KLF13: variants seen among roughly 807,000 people sequenced by gnomAD.
KLF13 encodes the protein Krueppel-like factor 13.
In KLF13, 8 loss-of-function variants were observed where a neutral mutation model predicts 16.7. The ratio of observed to expected loss-of-function variants is 0.48; its 90% CI spans 0.28 to 0.87. The LOEUF (loss-of-function observed/expected upper bound fraction) is 0.87, where lower values mean the gene tolerates loss of function less well. Among genes scored for constraint, KLF13 ranks in the 40% least tolerant of loss-of-function variants. The pLI is 0.10. For synonymous variants in KLF13, 245 were observed against 208.4 expected, an observed-to-expected ratio of 1.18 and a Z score of -1.51; for missense variants, 447 against 452.2, an observed-to-expected ratio of 0.99 and a Z score of 0.10.
At chr15:31,433,547 C>T (rs952456858) in intron 1 of KLF13, among the ~76,000 whole-genome samples, 3 of 152,260 alleles carry the variant, frequency 2.0e-5, no homozygotes, top group African/African-American at 2.4e-5. Flanking sequence ...CCTGTACATG[C>T]GATCAGGGCA....
intron 1 of KLF13, among the ~76,000 whole-genome samples, chr15:31,356,509 G>A (rs540241724): frequency 2.4e-4 from 37 of 152,352 alleles, no homozygotes; most frequent in East Asian, 2.1e-3. Flanking sequence ...CCAAGATCGC[G>A]CCACTGCACT....
chr15:31,342,917 T>A (rs566427705), intron 1 of KLF13, among the ~76,000 whole-genome samples: 2 of 152,228 alleles, frequency 1.3e-5, no homozygotes, highest in African/African-American at 4.8e-5. Context: ...ACATTTGGAG[T>A]GACTAAGGAG....
chr15:31,391,829 G>T (rs1413938015), upstream of KLF13, among the ~76,000 whole-genome samples: 1 of 152,154 alleles, frequency 6.6e-6, no homozygotes, highest in Non-Finnish European at 1.5e-5. Flanking sequence ...CCGGCGGGAG[G>T]CGCTTCCCGG....
rs905807035 is a variant in KLF13 at position 31,326,994 on chromosome 15, C to G, written c.-219C>G. ...GGGGACCCCAGTCGCCCGCGCGCCC[C>G]ATGCGCTCACTCTTCGGTGCCCGGC... is the stretch of plus-strand genomic sequence containing the variant. On this transcript the variant is annotated 5_prime_UTR_variant, in exon 1 of 2. Coordinates refer to ENST00000307145, the MANE Select transcript of KLF13 (RefSeq NM_015995.4). 1 of 199,086 alleles carries G rather than the reference C, an allele frequency of 5.0e-6. No individual in the cohort carries two copies. The highest frequency in any genetic ancestry group is 9.3e-6 in the Non-Finnish European group (1 of 107,146). The allele number at this position is 199,086 out of a possible 1,614,324, so 12.3% of individuals were successfully genotyped here.
At chr15:31,356,584 T>G (rs1398206746) in intron 1 of KLF13, among the ~76,000 whole-genome samples, 4 of 152,210 alleles carry the variant, frequency 2.6e-5, no homozygotes, top group Non-Finnish European at 5.9e-5. Flanking sequence ...GTGTTTGGTT[T>G]TCTGTTCCTG....
chr15:31,365,234 C>T (rs867272835), intron 1 of KLF13, among the ~76,000 whole-genome samples: 5 of 152,152 alleles, frequency 3.3e-5, no homozygotes, highest in Non-Finnish European at 2.9e-5. Flanking sequence ...CCCTGTGCCT[C>T]CCTTTGAGTC....
intron 1 of KLF13, among the ~76,000 whole-genome samples, chr15:31,328,565 C>G (rs1259318582): frequency 2.6e-5 from 4 of 151,922 alleles, no homozygotes; most frequent in Non-Finnish European, 5.9e-5. Context: ...CCGTGCTGCC[C>G]TCTCGCCTGC....
At chr15:31,384,750 T>G (rs935391730) in intron 1 of KLF13, among the ~76,000 whole-genome samples, 1 of 152,146 alleles carries the variant, frequency 6.6e-6, no homozygotes, top group African/African-American at 2.4e-5. Flanking sequence ...TGTCCACACG[T>G]TGGTGCAAAG....
chr15:31,421,891 A>G (rs921764973), intron 1 of KLF13, among the ~76,000 whole-genome samples: 2 of 152,166 alleles, frequency 1.3e-5, no homozygotes, highest in Admixed American at 1.3e-4. Flanking sequence ...GGACGGGCAG[A>G]TCACCTGAGG....
intron 1 of KLF13, among the ~76,000 whole-genome samples, chr15:31,361,417 G>A (rs2039382478): frequency 6.6e-6 from 1 of 152,208 alleles, no homozygotes; most frequent in South Asian, 2.1e-4. Context: ...CGGGTTGGTA[G>A]AGTCAGATGA....
intron 1 of KLF13, among the ~76,000 whole-genome samples, chr15:31,421,654 T>C (rs2040325541): frequency 6.7e-6 from 1 of 150,188 alleles, no homozygotes; most frequent in Non-Finnish European, 1.5e-5. Context: ...CAGAAGAAAA[T>C]GAGAAAGGAA....
chr15:31,330,644 G>C (rs2038811858), intron 1 of KLF13, among the ~76,000 whole-genome samples: 1 of 152,232 alleles, frequency 6.6e-6, no homozygotes, highest in African/African-American at 2.4e-5. Flanking sequence ...ACAGCTGCAT[G>C]CTAAGAGCTT....
chr15:31,349,959 C>T (rs1438495474), intron 1 of KLF13, among the ~76,000 whole-genome samples: 1 of 152,234 alleles, frequency 6.6e-6, no homozygotes, highest in Non-Finnish European at 1.5e-5. Flanking sequence ...CAAAAGTACT[C>T]AGAGTGTTGC....
At chr15:31,343,441 C>T (rs1245592134) in intron 1 of KLF13, among the ~76,000 whole-genome samples, 1 of 152,202 alleles carries the variant, frequency 6.6e-6, no homozygotes, top group Non-Finnish European at 1.5e-5. Flanking sequence ...GGTGTCGGCC[C>T]CCAGCAGTGG....
chr15:31,406,362 A>G (rs952666812), downstream of KLF13, among the ~76,000 whole-genome samples: 3 of 152,198 alleles, frequency 2.0e-5, no homozygotes, highest in African/African-American at 7.2e-5. Flanking sequence ...CTGTAATCCC[A>G]GCTACTTGGG....
intron 1 of KLF13, among the ~76,000 whole-genome samples, chr15:31,364,868 G>A (rs1433635898): frequency 6.6e-6 from 1 of 152,158 alleles, no homozygotes; most frequent in African/African-American, 2.4e-5. Flanking sequence ...TTCTAGAGAC[G>A]AGCAGGACAG....
At chr15:31,356,066 G>A (rs1038740782) in intron 1 of KLF13, among the ~76,000 whole-genome samples, 2 of 152,094 alleles carry the variant, frequency 1.3e-5, no homozygotes, top group East Asian at 1.9e-4. Context: ...GGGGGTACAT[G>A]TGCAGGTTTG....
In KLF13 at chr15:31,360,324, G is replaced by GC. The variant is rs1339877967; in HGVS notation, c.578-11680dup. On this transcript the variant is annotated intron_variant, in intron 1 of 1. Transcript: ENST00000307145. ...GGGCTTTGTCTCCTGAGAAGAGGTG[G>GC]CCCCCCAGAGCACTGGTCTCCCCAC... 4.6e-5 allele frequency among the ~76,000 whole-genome samples: 7 copies of GC among 152,268 alleles called. No homozygotes were observed. In the South Asian group the frequency reaches 1.5e-3, roughly 32 times the overall value.
intron 1 of KLF13, among the ~76,000 whole-genome samples, chr15:31,329,284 G>A (rs2038784001): frequency 1.3e-5 from 2 of 149,234 alleles, no homozygotes; most frequent in African/African-American, 5.0e-5. Context: ...TGGGGGAGGG[G>A]CCAGGCTAGG....
Sources: allele counts gnomAD v4.1 joint callset (sites outside exome capture counted in the v4.1 genomes callset), GRCh38; gene constraint gnomAD v4.1.1; transcripts MANE v1.5; gene names NCBI Gene and HGNC (gene_info 2026-07-23, HGNC 2026-07-21).